The following DNAH11 variants were observed in gnomAD, a reference collection of about 807,000 sequenced individuals.
DNAH11 encodes the protein dynein axonemal heavy chain 11.
Under a neutral mutation model 526.0 loss-of-function variants are expected in DNAH11, and 442 were observed. The ratio of observed to expected loss-of-function variants is 0.84; its 90% confidence interval spans 0.78 to 0.91. The LOEUF (loss-of-function observed/expected upper bound fraction) is 0.91. Among genes scored for constraint, DNAH11 ranks in the 40% least tolerant of loss-of-function variants. The probability of loss-of-function intolerance (pLI) is 0.00; values close to 1 mark genes in which losing one functional copy is unlikely to be tolerated. For synonymous variants in DNAH11, 2,461 were observed against 1,935.9 expected (o/e 1.27, Z -7.12); for missense variants, 6,989 against 5,448.7 (o/e 1.28, Z -8.90).
intron 66 of DNAH11, among the ~76,000 whole-genome samples, chr7:21,852,249 CA>C (rs376725634): frequency 9.4e-5 from 14 of 149,620 alleles, no homozygotes; most frequent in Non-Finnish European, 1.8e-4. Context: ...TACTAAAATA[CA>C]AAAAAAAATA....
intron 56 of DNAH11, 93 bp from the exon 57 acceptor site, chr7:21,778,865 T>A (rs1787801514): frequency 6.9e-7 from 1 of 1,448,760 alleles, no homozygotes; most frequent in Non-Finnish European, 9.3e-7. Flanking sequence ...TACAAATTGT[T>A]AGAGATCCCT....
In DNAH11 at chr7:21,881,782, C is replaced by T. The variant is rs573220667; in HGVS notation, c.12387+889C>T. 5.3e-5 allele frequency among the ~76,000 whole-genome samples: 8 copies of T among 152,076 alleles called. No homozygotes were observed. The East Asian group carries it at 5.8e-4, about 11-fold the overall frequency. On this transcript the variant is annotated intron_variant, in intron 75 of 81. Coordinates refer to ENST00000409508, the MANE Select transcript of DNAH11 (RefSeq NM_001277115.2). The stretch of plus-strand genomic sequence containing the variant: ...TTTTTTGGTCAGCTTTCTCAGGCTT[C>T]GGTGGTGATTTGATTGCTATTAGAA...
rs577913215 is a variant in DNAH11, at chr7:21,782,549, T to A, written c.9484-1878T>A. ...TCAAGATTGTTTTGTTTATAAAAAT[T>A]ACCCAAAGGAAAAATACTCCATTAA... is the stretch of plus-strand genomic sequence containing the variant. On this transcript the variant is annotated intron_variant, in intron 57 of 81. Coordinates refer to ENST00000409508, the MANE Select transcript of DNAH11 (RefSeq NM_001277115.2). 3.3e-5 allele frequency among the ~76,000 whole-genome samples: 5 copies of A among 152,300 alleles called. No homozygotes were observed. In the East Asian group the frequency reaches 9.6e-4, roughly 29 times the overall value.
At chr7:21,617,811 T>C (rs1449486413) in intron 23 of DNAH11, 34 bp downstream of exon 23, 1 of 1,534,630 alleles carries the variant, frequency 6.5e-7, no homozygotes, top group Non-Finnish European at 8.8e-7. Flanking sequence ...TGAACCTTTT[T>C]ATGACTGTGA....
At position 21,854,431 on chromosome 7, in the gene DNAH11, C is replaced by T. The variant is rs774414773; in HGVS notation, c.11178C>T (p.Asn3726=). The T allele has an allele frequency of 2.5e-6, 4 of 1,613,722 alleles. No homozygotes were observed. The Admixed American group carries it at 5.0e-5, about 20-fold the overall frequency. ...TTATTAATGACCTCCAAAAAATCAA[C>T]CCCCTCTACCAATTCTCTTTGAAGG... The part of the protein sequence containing the change: ...YFVINDLQKI[N]PLYQFSLKAF... The change falls in exon 68 of 82, where the codon AAC becomes AAT. Residue 3726 remains asparagine, a synonymous_variant. Coordinates refer to ENST00000409508, the MANE Select transcript of DNAH11 (RefSeq NM_001277115.2).
chr7:21,883,466 T>C (rs1052993580), intron 75 of DNAH11, among the ~76,000 whole-genome samples: 11 of 152,374 alleles, frequency 7.2e-5, no homozygotes, highest in Non-Finnish European at 1.5e-4. Context: ...AGGCCAGTCA[T>C]GCCGTAAGAC....
At chr7:21,609,071 G>A (rs1400311592) in intron 20 of DNAH11, among the ~76,000 whole-genome samples, 1 of 152,204 alleles carries the variant, frequency 6.6e-6, no homozygotes, top group South Asian at 2.1e-4. Context: ...AAGGAGAACA[G>A]TACAGTGAAT....
intron 31 of DNAH11, among the ~76,000 whole-genome samples, chr7:21,683,201 TTC>T (rs1783213203): frequency 6.7e-6 from 1 of 148,274 alleles, no homozygotes; most frequent in South Asian, 2.1e-4. Context: ...GTTCAACTGA[TTC>T]TCAAGAAATC....
At chr7:21,658,200 C>T (rs1051698006) in intron 29 of DNAH11, among the ~76,000 whole-genome samples, 5 of 151,858 alleles carry the variant, frequency 3.3e-5, no homozygotes, top group Admixed American at 3.3e-4. Flanking sequence ...AGCAGTTGTC[C>T]TATGTCTAAT....
rs10279884 is a variant in DNAH11, at chr7:21,800,856, C to T, written c.10027-281C>T. ...ACCCACGGCGTATTTGCATCTTCAG[C>T]GCACATCCATTCACCCCAGTCGCTC... On this transcript the variant is annotated intron_variant, in intron 61 of 81. Coordinates refer to ENST00000409508, the MANE Select transcript of DNAH11 (RefSeq NM_001277115.2). Among the ~76,000 whole-genome samples the T allele has an allele frequency of 6.7e-3, 1,027 of 152,218 alleles. 11 individuals carry two copies. Among genetic ancestry groups the T allele is most frequent in the African/African-American group, 0.024 (983 of 41,524 alleles).
chr7:21,856,103 G>A (rs1782837195), intron 68 of DNAH11, among the ~76,000 whole-genome samples: 1 of 152,160 alleles, frequency 6.6e-6, no homozygotes, highest in Non-Finnish European at 1.5e-5. Flanking sequence ...AATGAGCAAG[G>A]GGAAAGGTAG....
chr7:21,888,825 TGTG>T (rs1784224774), intron 76 of DNAH11, among the ~76,000 whole-genome samples: 3 of 152,202 alleles, frequency 2.0e-5, no homozygotes, highest in Non-Finnish European at 2.9e-5. Context: ...ATTTTCATGA[TGTG>T]GAGGTTCTTT....
chr7:21,765,523 T>C lies in DNAH11; in HGVS notation c.9036T>C (p.His3012=), dbSNP rs747305925. 5.6e-6 allele frequency: 9 copies of C among 1,613,564 alleles called. No homozygotes were observed. The highest frequency in any genetic ancestry group is 1.3e-5 in the African/African-American group (1 of 74,910). ...ACTGCACGGCTATTGACTGGTTTCA[T>C]GCGTGGCCGCAGGAGGCTCTGGTCT... is the stretch of plus-strand genomic sequence containing the variant. ...IVNCTAIDWF[H]AWPQEALVSV... is the part of the protein sequence containing the mutation. Residue 3012 remains histidine (H), a synonymous_variant, in exon 55 of 82, where the codon CAT becomes CAC. Transcript: ENST00000409508.
intron 30 of DNAH11, among the ~76,000 whole-genome samples, chr7:21,672,956 C>G (rs1782704748): frequency 2.0e-5 from 3 of 152,320 alleles, no homozygotes; most frequent in African/African-American, 7.2e-5. Flanking sequence ...CGCTGGCCCT[C>G]TTTGGGAACA....
In DNAH11 at chr7:21,619,968, ATCAG is replaced by A. The variant is rs761764078; in HGVS notation, c.4395_4398del (p.Ser1465ArgfsTer6). 1.6e-5 allele frequency: 25 copies of A among 1,599,894 alleles called. No individual in the cohort carries two copies. In the Admixed American group the frequency reaches 4.0e-4, roughly 26 times the overall value. The stretch of plus-strand genomic sequence containing the variant: ...TGTTGATTACTAGGTTATTACTGAA[ATCAG>A]TCAGACCTGGGCAACCATGAAGTTT... On this transcript the variant is annotated frameshift_variant, in exon 25 of 82. Transcript: ENST00000409508. LOFTEE classifies it high-confidence loss of function.
intron 28 of DNAH11, among the ~76,000 whole-genome samples, chr7:21,653,506 G>T (rs1340808502): frequency 6.6e-6 from 1 of 152,216 alleles, no homozygotes; most frequent in Non-Finnish European, 1.5e-5. Flanking sequence ...GTGTGAGGGT[G>T]TCTGATGGCT....
chr7:21,600,424 C>T (rs991083136), intron 15 of DNAH11, among the ~76,000 whole-genome samples: 2 of 152,066 alleles, frequency 1.3e-5, no homozygotes, highest in Non-Finnish European at 2.9e-5. Flanking sequence ...AGCCAGTGCA[C>T]TCCAGCTTGA....
At chr7:21,687,693 T>C (rs956572093) in intron 34 of DNAH11, among the ~76,000 whole-genome samples, 166 bp downstream of exon 34, 1 of 152,192 alleles carries the variant, frequency 6.6e-6, no homozygotes, top group Non-Finnish European at 1.5e-5. Context: ...CCATTTTTAT[T>C]AGTGGTTTCT....
At chr7:21,698,427 T>G (rs1029501288) in intron 36 of DNAH11, among the ~76,000 whole-genome samples, 1 of 152,088 alleles carries the variant, frequency 6.6e-6, no homozygotes, top group East Asian at 1.9e-4. Flanking sequence ...ACCTGAGGAG[T>G]GTACACAGTA....
Sources: allele counts gnomAD v4.1 joint callset (sites outside exome capture counted in the v4.1 genomes callset), GRCh38; gene constraint gnomAD v4.1.1; transcripts MANE v1.5; gene names NCBI Gene and HGNC (gene_info 2026-07-23, HGNC 2026-07-21).